The following RGPD2 variants were observed in gnomAD, a reference collection of about 807,000 sequenced individuals.
The protein encoded by RGPD2 is RANBP2-like and GRIP domain-containing protein 2.
In RGPD2, 2 loss-of-function variants were observed where a neutral mutation model predicts 36.0. The ratio of observed to expected loss-of-function variants is 0.06; its 90% CI spans 0.02 to 0.17. RGPD2 has a LOEUF of 0.17. RGPD2 is among the 10% of genes least tolerant of loss of function. RGPD2 has a pLI of 1.00. For synonymous variants in RGPD2, 19 were observed against 163.8 expected (o/e 0.12, Z 6.75); for missense variants, 40 against 464.3 (o/e 0.09, Z 8.40).
intron 22 of RGPD2, 100 bp downstream of exon 22, chr2:87,772,069 G>A: frequency 6.6e-7 from 1 of 1,525,102 alleles, no homozygotes; most frequent in Admixed American, 1.7e-5. Context: ...CAATACAAAT[G>A]AGCAAAATTG....
the RGPD2 span, among the ~76,000 whole-genome samples, chr2:87,844,501 T>G: frequency 6.5e-3 from 970 of 148,788 alleles, 10 homozygotes; most frequent in African/African-American, 0.023. Context: ...TATTATATAT[T>G]TCAGTGATGA....
At chr2:87,877,804 CAAAAAAAAAAAAAA>C in the RGPD2 span, among the ~76,000 whole-genome samples, 5 of 84,418 alleles carry the variant, frequency 5.9e-5, no homozygotes, top group African/African-American at 2.3e-4. Flanking sequence ...GACTCCGTCT[CAAAAAAAAAAAAAA>C]AAAAAAAAAA....
rs568350172 is a variant in RGPD2, at chr2:87,825,730, C to T, written c.-1G>A. On this transcript the variant is annotated 5_prime_UTR_variant, in exon 1 of 23. Coordinates refer to ENST00000398146, the MANE Select transcript of RGPD2 (RefSeq NM_001078170.3). ...CCCCGTAGGCTTTGCTGCGCCTCATCGCACCGCCAACCTGGCTCCCGAGAC... is the reference window on the plus strand; with the variant it reads ...CCCCGTAGGCTTTGCTGCGCCTCATTGCACCGCCAACCTGGCTCCCGAGAC... The T allele has an allele frequency of 1.3e-5, 21 of 1,598,700 alleles. No homozygotes were observed. The Admixed American group carries it at 2.4e-4, about 18-fold the overall frequency.
chr2:87,881,409 C>T, the RGPD2 span, among the ~76,000 whole-genome samples: 16 of 152,370 alleles, frequency 1.1e-4, no homozygotes, highest in African/African-American at 3.1e-4. Context: ...ACTCCTGCAG[C>T]GCACTTTTTC....
chr2:87,973,868 A>G, the RGPD2 span, among the ~76,000 whole-genome samples: 3 of 148,114 alleles, frequency 2.0e-5, no homozygotes, highest in Non-Finnish European at 3.0e-5. Flanking sequence ...TAAACAATTC[A>G]TGTAAAGCAC....
the RGPD2 span, chr2:87,972,732 A>T: frequency 6.2e-7 from 1 of 1,610,662 alleles, no homozygotes; most frequent in Non-Finnish European, 8.5e-7. Context: ...CAGCTTCGAG[A>T]GCTGTGCCCA....
At chr2:87,858,050 CAT>C in the RGPD2 span, among the ~76,000 whole-genome samples, 489 of 151,798 alleles carry the variant, frequency 3.2e-3, 1 homozygote, top group African/African-American at 0.011. Flanking sequence ...CACACACACA[CAT>C]ATATATGTAT....
At chr2:87,825,909 T>C (rs950971844), upstream of RGPD2, 40 of 756,902 alleles carry the variant, frequency 5.3e-5, no homozygotes, top group Non-Finnish European at 7.7e-5. Flanking sequence ...CGAGCTGCAC[T>C]CGGCCGGGCT....
At chr2:87,962,715 A>C in the RGPD2 span, among the ~76,000 whole-genome samples, 2 of 152,016 alleles carry the variant, frequency 1.3e-5, no homozygotes, top group South Asian at 4.1e-4. Flanking sequence ...GCTACTCCAA[A>C]GGCAGAGGGG....
At chr2:87,957,247 T>C in the RGPD2 span, among the ~76,000 whole-genome samples, 22 of 105,454 alleles carry the variant, frequency 2.1e-4, no homozygotes, top group African/African-American at 3.8e-4. Context: ...GGGGGGGGGC[T>C]CTCATTATGA....
chr2:87,893,540 AT>A, the RGPD2 span, among the ~76,000 whole-genome samples: 3 of 130,660 alleles, frequency 2.3e-5, no homozygotes, highest in Non-Finnish European at 4.8e-5. Context: ...TTAAGCAGCT[AT>A]TCTTTGTATT....
the RGPD2 span, among the ~76,000 whole-genome samples, chr2:87,912,719 T>C: frequency 1.2e-5 from 1 of 85,516 alleles, no homozygotes; most frequent in Admixed American, 1.5e-4. Context: ...AAAGTCTGGA[T>C]CCACTCCTTG....
the RGPD2 span, among the ~76,000 whole-genome samples, chr2:87,927,498 G>A: frequency 6.7e-6 from 1 of 149,954 alleles, no homozygotes. Context: ...AGATGTGTCT[G>A]CTATGTACAG....
chr2:87,984,934 A>G, the RGPD2 span, among the ~76,000 whole-genome samples: 2 of 146,638 alleles, frequency 1.4e-5, no homozygotes, highest in African/African-American at 5.0e-5. Context: ...TGTCTCAAAA[A>G]AAAAAAAAAA....
the RGPD2 span, among the ~76,000 whole-genome samples, chr2:87,980,099 C>A: frequency 1.2e-4 from 19 of 152,042 alleles, no homozygotes; most frequent in Non-Finnish European, 1.9e-4. Flanking sequence ...CCTGTAATCC[C>A]AGCACTTTGG....
chr2:87,839,267 T>C, the RGPD2 span, among the ~76,000 whole-genome samples: 1 of 152,272 alleles, frequency 6.6e-6, no homozygotes, highest in East Asian at 1.9e-4. Flanking sequence ...AACAAGCATA[T>C]GAAAAATGCT....
the RGPD2 span, among the ~76,000 whole-genome samples, chr2:87,860,885 G>C: frequency 2.0e-5 from 3 of 151,304 alleles, no homozygotes; most frequent in Non-Finnish European, 3.0e-5. Context: ...TCACAGAAAG[G>C]TATATGACTA....
rs1686715345 is a variant in RGPD2, at chr2:87,825,486, CGCCGCCCGGCCGAGGCCGAGGCCGAG to C, written c.72+146_72+171del. Among the ~76,000 whole-genome samples the C allele has an allele frequency of 4.0e-4, 33 of 82,486 alleles. 2 individuals carry two copies. The highest frequency in any genetic ancestry group is 6.9e-4 in the Non-Finnish European group (26 of 37,766). 54.1% of individuals were successfully genotyped at this position (82,486 alleles called of 152,430 possible). A position where few individuals can be genotyped will look rare whatever the true frequency, so the allele number is the denominator to read the frequency against. On this transcript the variant is annotated intron_variant, in intron 1 of 22. Transcript: ENST00000398146. ...AGGCCGAGGCCGCCGTCGCCGCCGC[CGCCGCCCGGCCGAGGCCGAGGCCGAG>C]GCCGCCGCCCGGCCGAGGCCGAGGC...
the RGPD2 span, chr2:87,988,980 A>G: frequency 9.3e-6 from 3 of 321,400 alleles, no homozygotes; most frequent in African/African-American, 2.1e-5. Flanking sequence ...CTAGCTCTTT[A>G]AAGCTCCTCT....
Sources: gnomAD v4.1 joint callset for allele counts (sites outside exome capture counted in the v4.1 genomes callset) on GRCh38, gnomAD v4.1.1 for gene constraint, MANE v1.5 for transcripts, NCBI Gene and HGNC (gene_info 2026-07-23, HGNC 2026-07-21) for gene names.